The following NEK1 variants were observed in gnomAD, a reference collection of about 807,000 sequenced individuals.
The protein encoded by NEK1 is NIMA related kinase 1, also known as serine/threonine-protein kinase Nek1.
NEK1 carries 137 observed loss-of-function variants against 182.1 expected under a neutral mutation model. The ratio of observed to expected loss-of-function variants is 0.75; its 90% CI spans 0.65 to 0.87. The LOEUF is 0.87. Ranked by LOEUF, NEK1 falls within the 40% of genes least tolerant of loss-of-function variation. The probability of loss-of-function intolerance (pLI) is 0.00; values close to 1 mark genes in which losing one functional copy is unlikely to be tolerated. For synonymous variants in NEK1, 513 were observed against 492.2 expected (o/e 1.04, Z -0.56); for missense variants, 1,391 against 1,494.4 (o/e 0.93, Z 1.14).
chr4:169,491,664 T>A (rs752409632), intron 23 of NEK1, among the ~76,000 whole-genome samples: 25 of 152,066 alleles, frequency 1.6e-4, no homozygotes, highest in Non-Finnish European at 2.4e-4. Context: ...CAAGAACATA[T>A]CAAAGTATAA....
At chr4:169,415,971 G>A (rs1195237038) in intron 31 of NEK1, among the ~76,000 whole-genome samples, 2 of 152,114 alleles carry the variant, frequency 1.3e-5, no homozygotes, top group Non-Finnish European at 2.9e-5. Flanking sequence ...GGACAAGGGA[G>A]GACTTGGGCC....
intron 27 of NEK1, among the ~76,000 whole-genome samples, chr4:169,446,983 G>C (rs191604659): frequency 6.8e-6 from 1 of 146,372 alleles, no homozygotes; most frequent in African/African-American, 2.7e-5. Context: ...AGAGTGATTC[G>C]TTGTAACGAG....
At chr4:169,547,961 G>C (rs984105768) in intron 18 of NEK1, among the ~76,000 whole-genome samples, 6 of 152,274 alleles carry the variant, frequency 3.9e-5, no homozygotes, top group African/African-American at 1.4e-4. Context: ...ACCTCCTGAA[G>C]CCTACTTCTG....
intron 2 of NEK1, among the ~76,000 whole-genome samples, chr4:169,607,061 A>G (rs1406677357): frequency 1.3e-5 from 2 of 152,208 alleles, no homozygotes; most frequent in African/African-American, 2.4e-5. Context: ...AATCTACAGT[A>G]AGTTCTGCTC....
rs763835505 is a variant in NEK1 at position 169,401,664 on chromosome 4, C to G, written c.3571G>C (p.Glu1191Gln). ...TCTGATCATGCACCTGAGTGCCATT[C>G]TTCGTTCAGGGCACTTTCACTGCTG... ...NPSSESALNE[E>Q]WHSDNSDGEI... Residue 1191 changes from glutamate (E) to glutamine (Q), a missense_variant, in exon 33 of 36, where the codon GAA becomes CAA. By Grantham distance (29) the Glu-to-Gln change is conservative (BLOSUM62 2). This residue lies in a region of NEK1 where 1,216 missense variants were observed against 1,277.6 expected (regional missense o/e 0.95). Transcript: ENST00000507142. 9.9e-6 allele frequency: 16 copies of G among 1,613,642 alleles called. No homozygotes were observed. Among genetic ancestry groups the G allele is most frequent in the Non-Finnish European group, 1.4e-5 (16 of 1,179,660 alleles).
intron 9 of NEK1, among the ~76,000 whole-genome samples, chr4:169,586,755 C>A (rs1767605193): frequency 6.6e-6 from 1 of 151,370 alleles, no homozygotes; most frequent in South Asian, 2.1e-4. Flanking sequence ...AAAGGGTATG[C>A]AACCATTAAA....
intron 12 of NEK1, among the ~76,000 whole-genome samples, chr4:169,562,997 C>T (rs1763152136): frequency 6.6e-6 from 1 of 152,050 alleles, no homozygotes; most frequent in East Asian, 1.9e-4. Context: ...GGATATATAG[C>T]ATTCTATTAA....
chr4:169,471,596 C>T (rs182068601), intron 26 of NEK1, among the ~76,000 whole-genome samples: 4 of 152,220 alleles, frequency 2.6e-5, no homozygotes, highest in East Asian at 1.9e-4. Flanking sequence ...TCAGGAGGCA[C>T]GGGGGTCAAG....
intron 22 of NEK1, 55 bp from the exon 23 acceptor site, chr4:169,507,187 T>TTG: frequency 2.1e-6 from 2 of 953,424 alleles, no homozygotes. Flanking sequence ...GCAGAGGTTT[T>TTG]TTTTTTTTTT....
intron 29 of NEK1, among the ~76,000 whole-genome samples, chr4:169,426,987 AT>A (rs925054077): frequency 2.8e-4 from 43 of 151,984 alleles, no homozygotes; most frequent in African/African-American, 9.7e-4. Context: ...AAATTCATGC[AT>A]TTTTTTTAAA....
chr4:169,600,671 T>C (rs1049180779), intron 4 of NEK1, among the ~76,000 whole-genome samples: 1 of 152,146 alleles, frequency 6.6e-6, no homozygotes, highest in African/African-American at 2.4e-5. Context: ...CATCCAAATA[T>C]ACATGTGAGA....
chr4:169,467,044 C>T (rs1446396936), intron 26 of NEK1, among the ~76,000 whole-genome samples: 5 of 152,018 alleles, frequency 3.3e-5, no homozygotes, highest in Non-Finnish European at 7.4e-5. Flanking sequence ...GAAGATGATG[C>T]GGATGAAGGC....
Position 169,416,062 on chromosome 4 carries a change from G to T in NEK1, c.3222+8491C>A, listed in dbSNP as rs552217136. Among the ~76,000 whole-genome samples, 54 of 152,124 alleles carry T rather than the reference G, an allele frequency of 3.5e-4. 1 individual carries two copies. In the South Asian group the frequency reaches 0.011, roughly 32 times the overall value. ...AAAGAGAGACTTTTTCTAGAAAACG[G>T]GGAAAAGATCCCACAGATTCGAAAA... On this transcript the variant is annotated intron_variant, in intron 31 of 35. Coordinates refer to ENST00000507142, the MANE Select transcript of NEK1 (RefSeq NM_001199397.3).
chr4:169,570,009 G>T (rs1466933941), intron 12 of NEK1, among the ~76,000 whole-genome samples: 1 of 151,078 alleles, frequency 6.6e-6, no homozygotes, highest in Non-Finnish European at 1.5e-5. Flanking sequence ...AAAGTGAGGA[G>T]CGGCTCTGCC....
At chr4:169,572,554 T>C (rs1339647031) in intron 12 of NEK1, among the ~76,000 whole-genome samples, 4 of 152,126 alleles carry the variant, frequency 2.6e-5, no homozygotes, top group Non-Finnish European at 5.9e-5. Context: ...AGTCAGCTTA[T>C]AGATGTTATC....
chr4:169,529,255 C>T (rs1215831468), intron 19 of NEK1, among the ~76,000 whole-genome samples: 1 of 151,762 alleles, frequency 6.6e-6, no homozygotes, highest in African/African-American at 2.4e-5. Flanking sequence ...ATCACATGTA[C>T]CCCATAGATA....
At chr4:169,473,543 T>A (rs1746404676) in intron 26 of NEK1, among the ~76,000 whole-genome samples, 1 of 152,080 alleles carries the variant, frequency 6.6e-6, no homozygotes, top group Admixed American at 6.6e-5. Flanking sequence ...TAAAATAGAT[T>A]TAAATAAATA....
At chr4:169,441,284 A>T (rs982787066) in intron 27 of NEK1, among the ~76,000 whole-genome samples, 9 of 152,222 alleles carry the variant, frequency 5.9e-5, no homozygotes, top group African/African-American at 2.2e-4. Flanking sequence ...GGAGATAGGC[A>T]TGCTTGGGTG....
intron 10 of NEK1, among the ~76,000 whole-genome samples, chr4:169,585,117 A>C (rs1767317986): frequency 6.6e-6 from 1 of 152,162 alleles, no homozygotes; most frequent in Non-Finnish European, 1.5e-5. Context: ...TGAGCCCAGG[A>C]GTTTGAGGCT....
Sources: allele counts gnomAD v4.1 joint callset (sites outside exome capture counted in the v4.1 genomes callset), GRCh38; gene constraint gnomAD v4.1.1; regional missense constraint gnomAD v4.1.1; transcripts MANE v1.5; gene names NCBI Gene and HGNC (gene_info 2026-07-23, HGNC 2026-07-21).